Variants in HPS1 observed in about 807,000 individuals in gnomAD.
HPS1 encodes HPS1 biogenesis of lysosomal organelles complex 3 subunit 1.
In HPS1, 59 loss-of-function variants were observed where a neutral mutation model predicts 90.6. That is an observed-to-expected ratio of 0.65 (90% CI 0.53 to 0.81). The LOEUF is 0.81. Among genes scored for constraint, HPS1 ranks in the 30% least tolerant of loss-of-function variants. The pLI is 0.00. For missense variants in HPS1, 849 were observed against 896.7 expected, an observed-to-expected ratio of 0.95 and a Z score of 0.68; for synonymous variants, 388 against 384.4, an observed-to-expected ratio of 1.01 and a Z score of -0.11.
At position 98,445,389 on chromosome 10, in the gene HPS1, C is replaced by T. The variant is rs1428513214; in HGVS notation, c.-90G>A. The T allele has an allele frequency of 6.5e-6, 1 of 152,730 alleles. No individual in the cohort carries two copies. The highest frequency in any genetic ancestry group is 2.4e-5 in the African/African-American group (1 of 41,462). The allele number at this position is 152,730 out of a possible 1,614,324, so 9.5% of individuals were successfully genotyped here. ...CGGTGACTGGCTCATGGGAGAGCAGCACAGCATCCCTGGTCCTGCAAATGC... is the reference window on the plus strand; with the variant it reads ...CGGTGACTGGCTCATGGGAGAGCAGTACAGCATCCCTGGTCCTGCAAATGC... On this transcript the variant is annotated 5_prime_UTR_variant, in exon 2 of 20. Coordinates refer to ENST00000361490, the MANE Select transcript of HPS1 (RefSeq NM_000195.5). The surrounding 1 kb of genome is among the most constrained non-coding windows in gnomAD (Gnocchi z 4.5).
At chr10:98,437,477 A>T (rs1033692949) in intron 3 of HPS1, among the ~76,000 whole-genome samples, 6 of 152,358 alleles carry the variant, frequency 3.9e-5, no homozygotes, top group South Asian at 4.1e-4. Context: ...TAGTGGCCCC[A>T]TAAGATTATA....
chr10:98,428,697 CTTTT>C (rs11435125), intron 10 of HPS1, among the ~76,000 whole-genome samples: 3 of 128,138 alleles, frequency 2.3e-5, no homozygotes, highest in Non-Finnish European at 3.2e-5. Context: ...CCACAGGACC[CTTTT>C]TTTTTTTTTT....
At chr10:98,443,680 G>A (rs12249733) in intron 2 of HPS1, among the ~76,000 whole-genome samples, 13,132 of 149,654 alleles carry the variant, frequency 0.088, 852 homozygotes, top group African/African-American at 0.18. Flanking sequence ...GGTGTGGATC[G>A]GAGGGCACTG....
At chr10:98,437,218 G>A (rs374818428) in intron 3 of HPS1, among the ~76,000 whole-genome samples, 5 of 152,006 alleles carry the variant, frequency 3.3e-5, no homozygotes, top group African/African-American at 4.8e-5. Context: ...GCTTTACCCC[G>A]AGAGACTGGC....
At chr10:98,429,540 T>G in intron 10 of HPS1, 33 bp downstream of exon 10, 1 of 1,614,134 alleles carries the variant, frequency 6.2e-7, no homozygotes, top group Non-Finnish European at 8.5e-7. Flanking sequence ...CGCAGCTAGC[T>G]ATTGTTTCCT....
At chr10:98,415,268 C>G, downstream of HPS1, 4 of 1,244,334 alleles carry the variant, frequency 3.2e-6, no homozygotes, top group Non-Finnish European at 4.3e-6. Context: ...GCCCCCTCCA[C>G]CATGCATTCT....
downstream of HPS1, chr10:98,415,148 C>A (rs369929690): frequency 2.5e-6 from 4 of 1,610,768 alleles, no homozygotes; most frequent in East Asian, 2.2e-5. Flanking sequence ...CTGCCCCAGG[C>A]TGGGCCTTGC....
In HPS1 at chr10:98,423,812, G is replaced by A. The variant is rs1482957531; in HGVS notation, c.1473C>T (p.Pro491=). ...GGGGCAGGTGTGGGCCTCCCCTGCT[G>A]GGGGCTGTGGTCAGAAAGTTCAGCC... ...IYRLNFLTTA[P]SRGGPHLPQH... Residue 491 remains proline (P), a synonymous_variant, in exon 15 of 20, where the codon CCC becomes CCT. Transcript: ENST00000361490. 2 of 1,614,014 alleles carry A rather than the reference G, an allele frequency of 1.2e-6. No homozygotes were observed. The highest frequency in any genetic ancestry group is 2.2e-5 in the South Asian group (2 of 91,080).
At chr10:98,431,510 A>G in intron 6 of HPS1, 1 of 600,096 alleles carries the variant, frequency 1.7e-6, no homozygotes, top group South Asian at 2.0e-5. Context: ...ATACACAAGG[A>G]AATAAAGTAA....
intron 16 of HPS1, 59 bp downstream of exon 16, chr10:98,423,544 G>A (rs1444967956): frequency 2.0e-6 from 3 of 1,500,092 alleles, no homozygotes; most frequent in Admixed American, 3.3e-5. Flanking sequence ...GGGAGCAGGT[G>A]TAGAGGCAGC....
chr10:98,421,290 C>T (rs1351872638), intron 17 of HPS1, among the ~76,000 whole-genome samples: 3 of 152,210 alleles, frequency 2.0e-5, no homozygotes, highest in African/African-American at 7.2e-5. Flanking sequence ...CTTAATAATT[C>T]CATTTCTAGG....
chr10:98,427,040 C>T (rs1845697876), intron 11 of HPS1, 175 bp downstream of exon 11: 3 of 574,362 alleles, frequency 5.2e-6, no homozygotes, highest in Non-Finnish European at 9.3e-6. Context: ...CTGGACCCTG[C>T]CTCTGGGCTG....
At chr10:98,433,402 C>G (rs1446815258) in intron 6 of HPS1, among the ~76,000 whole-genome samples, 1 of 152,176 alleles carries the variant, frequency 6.6e-6, no homozygotes, top group Non-Finnish European at 1.5e-5. Context: ...TGGTTTACCT[C>G]TTTAGGAAGG....
In HPS1 at chr10:98,435,647, A is replaced by G; in HGVS notation, c.243T>C (p.Tyr81=). Reference sequence around the variant, plus strand: ...GCTATAGACTCACCAGGTGAAGGACATACAGGAAGTTGCCATTTTCCGTGG... The same window carrying G: ...GCTATAGACTCACCAGGTGAAGGACGTACAGGAAGTTGCCATTTTCCGTGG... The part of the protein sequence containing the change: ...CFSTENGNFL[Y]VLHLFGECLF... The change falls in exon 4 of 20, where the codon TAT becomes TAC. Residue 81 remains tyrosine, a synonymous_variant. Transcript: ENST00000361490. The surrounding 1 kb of genome is among the most constrained non-coding windows in gnomAD (Gnocchi z 4.3). The G allele has an allele frequency of 6.2e-7, 1 of 1,614,216 alleles. No individual in the cohort carries two copies. Among genetic ancestry groups the G allele is most frequent in the Non-Finnish European group, 8.5e-7 (1 of 1,180,034 alleles).
chr10:98,422,666 C>T (rs1845048070), intron 16 of HPS1, among the ~76,000 whole-genome samples, 153 bp from the exon 17 acceptor site: 1 of 152,242 alleles, frequency 6.6e-6, no homozygotes. Context: ...TGTATCCTTG[C>T]TTCCTCAGAT....
chr10:98,437,984 G>A (rs2136280115), intron 3 of HPS1, among the ~76,000 whole-genome samples: 1 of 152,188 alleles, frequency 6.6e-6, no homozygotes, highest in African/African-American at 2.4e-5. Context: ...TTTTATAAGG[G>A]GCTCTTCCCC....
downstream of HPS1, chr10:98,415,159 T>G: frequency 6.2e-7 from 1 of 1,608,704 alleles, no homozygotes; most frequent in Non-Finnish European, 8.5e-7. Context: ...TGGGCCTTGC[T>G]AGGCAGGGAG....
At position 98,431,276 on chromosome 10, in the gene HPS1, T is replaced by C; in HGVS notation, c.523A>G (p.Ile175Val). 2 of 1,613,702 alleles carry C rather than the reference T, an allele frequency of 1.2e-6. No homozygotes were observed. Among genetic ancestry groups the C allele is most frequent in the South Asian group, 1.1e-5 (1 of 91,066 alleles). Residue 175 changes from isoleucine (I) to valine (V), a missense_variant, in exon 7 of 20, where the codon ATT becomes GTT. Physicochemically the swap from Ile to Val is conservative, Grantham distance 29. Coordinates refer to ENST00000361490, the MANE Select transcript of HPS1 (RefSeq NM_000195.5). ...CFAVEALERLIHPQLCELCIE... is the reference protein window; with the variant it reads ...CFAVEALERLVHPQLCELCIE... ...CACAGCTCACAGAGCTGGGGGTGAA[T>C]CAGTCGCTCCAGGGCCTAGCCAGGG...
chr10:98,422,535 C>CT, intron 16 of HPS1, 22 bp from the exon 17 acceptor site: 1 of 1,613,276 alleles, frequency 6.2e-7, no homozygotes, highest in South Asian at 1.1e-5. Context: ...AGTTAAGGTG[C>CT]TTACAAGCCA....
Sources: allele counts gnomAD v4.1 joint callset (sites outside exome capture counted in the v4.1 genomes callset), GRCh38; gene constraint gnomAD v4.1.1; non-coding constraint Gnocchi (gnomAD v3.1); transcripts MANE v1.5; gene names NCBI Gene and HGNC (gene_info 2026-07-23, HGNC 2026-07-21).